CLPB: variants seen among roughly 807,000 people sequenced by gnomAD.
CLPB encodes the protein mitochondrial disaggregase.
Under a neutral mutation model 78.4 loss-of-function variants are expected in CLPB, and 40 were observed. That is an observed-to-expected ratio of 0.51 (90% CI 0.40 to 0.66). CLPB has a LOEUF of 0.66. CLPB is among the 30% of genes least tolerant of loss of function. The pLI, the probability that CLPB is intolerant of heterozygous loss-of-function variation, is 0.00. For synonymous variants in CLPB, 333 were observed against 348.0 expected (o/e 0.96, Z 0.48); for missense variants, 780 against 886.9 (o/e 0.88, Z 1.53).
chr11:72,298,113 G>T (rs1001261383), intron 11 of CLPB, among the ~76,000 whole-genome samples: 2 of 152,158 alleles, frequency 1.3e-5, no homozygotes, highest in Admixed American at 6.5e-5. Context: ...TGGGAGGAGT[G>T]GGGGCTGGGC....
chr11:72,349,883 C>T (rs964074449), intron 5 of CLPB, among the ~76,000 whole-genome samples: 1 of 152,254 alleles, frequency 6.6e-6, no homozygotes, highest in Non-Finnish European at 1.5e-5. Context: ...CTGACCTCTC[C>T]CTCACCCAAG....
At chr11:72,431,309 C>T (rs976280765) in intron 1 of CLPB, among the ~76,000 whole-genome samples, 3 of 152,148 alleles carry the variant, frequency 2.0e-5, no homozygotes, top group Non-Finnish European at 4.4e-5. Flanking sequence ...GGGCAGTGGG[C>T]GGATTCATAG....
intron 2 of CLPB, among the ~76,000 whole-genome samples, chr11:72,425,018 G>T (rs530506838): frequency 1.3e-5 from 2 of 152,386 alleles, no homozygotes; most frequent in African/African-American, 4.8e-5. Context: ...GCAGGTTGCA[G>T]TGAGCCGAGA....
At chr11:72,420,028 A>G (rs1272815786) in intron 2 of CLPB, among the ~76,000 whole-genome samples, 1 of 152,196 alleles carries the variant, frequency 6.6e-6, no homozygotes, top group Admixed American at 6.5e-5. Flanking sequence ...ATAGCTACAC[A>G]GTTTGCTTAA....
chr11:72,359,695 T>C (rs1312217037), intron 4 of CLPB, among the ~76,000 whole-genome samples: 1 of 152,220 alleles, frequency 6.6e-6, no homozygotes, highest in Non-Finnish European at 1.5e-5. Flanking sequence ...TTTTGATATA[T>C]GTTCTTCCAA....
rs985847847 is a variant in CLPB, at chr11:72,399,869, A to G, written c.542+3097T>C. The stretch of plus-strand genomic sequence containing the variant: ...GGATTTGGAGATTGATTATATGAAA[A>G]TCAGTATATTTCTAATAAGGAAAAA... On this transcript the variant is annotated intron_variant, in intron 3 of 15. Transcript: ENST00000538039. 2.0e-5 allele frequency among the ~76,000 whole-genome samples: 3 copies of G among 152,192 alleles called. No individual in the cohort carries two copies. The South Asian group carries it at 6.2e-4, about 32-fold the overall frequency.
At chr11:72,339,261 A>G (rs538097220) in intron 5 of CLPB, among the ~76,000 whole-genome samples, 1 of 152,342 alleles carries the variant, frequency 6.6e-6, no homozygotes, top group South Asian at 2.1e-4. Context: ...AGAGAAAGTG[A>G]GGATTGTTCT....
At chr11:72,377,525 G>A (rs751354204) in intron 4 of CLPB, among the ~76,000 whole-genome samples, 3 of 152,086 alleles carry the variant, frequency 2.0e-5, no homozygotes, top group African/African-American at 4.8e-5. Flanking sequence ...AAATATTTTT[G>A]TTGTCTATCT....
At chr11:72,331,575 T>G (rs1473871179) in intron 5 of CLPB, among the ~76,000 whole-genome samples, 1 of 129,496 alleles carries the variant, frequency 7.7e-6, no homozygotes. Context: ...TTTCTGTTTT[T>G]TTTTTTTTTT....
At chr11:72,344,382 T>A (rs1336006603) in intron 5 of CLPB, among the ~76,000 whole-genome samples, 1 of 145,260 alleles carries the variant, frequency 6.9e-6, no homozygotes, top group Non-Finnish European at 1.5e-5. Context: ...AATTTTTGTA[T>A]TTTTTTTTTT....
At chr11:72,339,665 G>C (rs1252778574) in intron 5 of CLPB, among the ~76,000 whole-genome samples, 1 of 152,164 alleles carries the variant, frequency 6.6e-6, no homozygotes, top group Non-Finnish European at 1.5e-5. Context: ...ACCATGGTAA[G>C]TGCTAGGGAT....
At chr11:72,324,534 G>A (rs971923942) in intron 6 of CLPB, among the ~76,000 whole-genome samples, 2 of 151,914 alleles carry the variant, frequency 1.3e-5, no homozygotes, top group Non-Finnish European at 2.9e-5. Flanking sequence ...CCCTGCACTC[G>A]AGCCTGGGCG....
At chr11:72,345,069 A>G (rs1402554924) in intron 5 of CLPB, among the ~76,000 whole-genome samples, 7 of 152,218 alleles carry the variant, frequency 4.6e-5, no homozygotes, top group Non-Finnish European at 1.0e-4. Context: ...ACCCTCTCAT[A>G]CGATGCTAAT....
At chr11:72,307,678 AG>A (rs1184527630) in intron 8 of CLPB, among the ~76,000 whole-genome samples, 1 of 152,154 alleles carries the variant, frequency 6.6e-6, no homozygotes, top group East Asian at 1.9e-4. Context: ...TGGCAGATAG[AG>A]GGTGGGAGGG....
chr11:72,430,701 AAG>A (rs1408298437), intron 1 of CLPB, among the ~76,000 whole-genome samples: 5 of 152,184 alleles, frequency 3.3e-5, no homozygotes, highest in African/African-American at 1.2e-4. Context: ...ATGTTCCTAT[AAG>A]AGTTATTACT....
At chr11:72,331,058 T>A (rs1195284397) in intron 5 of CLPB, among the ~76,000 whole-genome samples, 2 of 152,014 alleles carry the variant, frequency 1.3e-5, no homozygotes, top group African/African-American at 2.4e-5. Flanking sequence ...ACTTTAAAAA[T>A]TTTTTTATTA....
chr11:72,388,767 C>T (rs931491921), intron 3 of CLPB, among the ~76,000 whole-genome samples: 10 of 152,156 alleles, frequency 6.6e-5, no homozygotes, highest in South Asian at 2.1e-4. Context: ...CAGCCCAGAT[C>T]GGGCTAGAGG....
At chr11:72,407,075 C>A (rs181141127) in intron 2 of CLPB, among the ~76,000 whole-genome samples, 9 of 152,218 alleles carry the variant, frequency 5.9e-5, no homozygotes, top group Non-Finnish European at 1.3e-4. Context: ...CAGGCATACC[C>A]GCCCAGGGAG....
At chr11:72,349,924 C>T (rs915386410) in intron 5 of CLPB, among the ~76,000 whole-genome samples, 6 of 152,220 alleles carry the variant, frequency 3.9e-5, no homozygotes, top group South Asian at 2.1e-4. Flanking sequence ...CCACTACTGG[C>T]GGTGATGAGG....
Sources: allele counts gnomAD v4.1 joint callset (sites outside exome capture counted in the v4.1 genomes callset), GRCh38; gene constraint gnomAD v4.1.1; transcripts MANE v1.5; gene names NCBI Gene and HGNC (gene_info 2026-07-23, HGNC 2026-07-21).